Variants in CALN1 observed in about 807,000 individuals in gnomAD.
CALN1 encodes calneuron 1.
Under a neutral mutation model 30.6 loss-of-function variants are expected in CALN1, and 17 were observed. That is an observed-to-expected ratio of 0.56 (90% CI 0.38 to 0.83). The LOEUF is 0.83. Ranked by LOEUF, CALN1 falls within the 40% of genes least tolerant of loss-of-function variation. The pLI is 0.00. For synonymous variants in CALN1, 156 were observed against 131.4 expected, an observed-to-expected ratio of 1.19 and a Z score of -1.28; for missense variants, 291 against 354.9, an observed-to-expected ratio of 0.82 and a Z score of 1.45.
At chr7:72,340,180 C>T (rs959198225) in intron 2 of CALN1, among the ~76,000 whole-genome samples, 2 of 152,148 alleles carry the variant, frequency 1.3e-5, no homozygotes, top group Non-Finnish European at 2.9e-5. Context: ...CTGCAAACCC[C>T]GTATTTTTAG....
chr7:72,467,475 C>T, the CALN1 span, among the ~76,000 whole-genome samples: 7 of 152,076 alleles, frequency 4.6e-5, no homozygotes, highest in Admixed American at 1.3e-4. Flanking sequence ...GAGGAGGAGC[C>T]GGAGAGAGCC....
intron 3 of CALN1, among the ~76,000 whole-genome samples, chr7:72,150,688 C>T (rs1459397830): frequency 6.6e-6 from 1 of 152,166 alleles, no homozygotes; most frequent in Non-Finnish European, 1.5e-5. Flanking sequence ...TTGGGCCTCT[C>T]CACCTACCAG....
the CALN1 span, among the ~76,000 whole-genome samples, chr7:72,499,394 T>A: frequency 6.6e-6 from 1 of 152,114 alleles, no homozygotes; most frequent in Non-Finnish European, 1.5e-5. Flanking sequence ...CACTACAAAT[T>A]ATTAATTAAT....
At chr7:72,008,293 CTAT>C (rs1317071672) in intron 5 of CALN1, among the ~76,000 whole-genome samples, 3 of 151,960 alleles carry the variant, frequency 2.0e-5, no homozygotes, top group Admixed American at 6.6e-5. Flanking sequence ...TCCCAAATAA[CTAT>C]TGAGTGAATG....
intron 3 of CALN1, among the ~76,000 whole-genome samples, chr7:72,264,499 T>A (rs1796484017): frequency 1.5e-5 from 1 of 68,396 alleles, no homozygotes; most frequent in Non-Finnish European, 4.8e-5. Context: ...AAGCAGGATT[T>A]TTTTTTTTTT....
Position 71,798,117 on chromosome 7 carries a change from CAGAGACAGAGAGAGAGAG to C in CALN1, c.659-10233_659-10216del, listed in dbSNP as rs1562787956. On this transcript the variant is annotated intron_variant, in intron 6 of 6. Coordinates refer to ENST00000395275, the MANE Select transcript of CALN1 (RefSeq NM_031468.4). Reference sequence around the variant, plus strand: ...AGAGAGAGACAGAGAGAGACAGAGACAGAGACAGAGAGAGAGAGAGAGAGAGAGAGAGAGAGAGAGAGA... The same window carrying C: ...AGAGAGAGACAGAGAGAGACAGAGACAGAGAGAGAGAGAGAGAGAGAGAGA... Among the ~76,000 whole-genome samples the C allele has an allele frequency of 7.4e-3, 460 of 62,212 alleles. 2 individuals carry two copies. The highest frequency in any genetic ancestry group is 0.026 in the African/African-American group (370 of 14,152). The allele number at this position is 62,212 out of a possible 152,430, so 40.8% of individuals were successfully genotyped here.
intron 4 of CALN1, 121 bp from the exon 5 acceptor site, chr7:72,023,890 G>A (rs961022840): frequency 3.3e-6 from 2 of 614,052 alleles, no homozygotes; most frequent in Non-Finnish European, 2.9e-6. Flanking sequence ...AAGAAGAGCT[G>A]GTAACATTAC....
At chr7:72,071,919 G>A (rs182169385) in intron 4 of CALN1, among the ~76,000 whole-genome samples, 16 of 152,080 alleles carry the variant, frequency 1.1e-4, no homozygotes, top group Admixed American at 1.0e-3. Context: ...GATTTGAGCA[G>A]GCAGAAGGAA....
chr7:72,008,286 C>T (rs1799884149), intron 5 of CALN1, among the ~76,000 whole-genome samples: 1 of 151,962 alleles, frequency 6.6e-6, no homozygotes, highest in Admixed American at 6.6e-5. Context: ...AACATTCTCC[C>T]AAATAACTAT....
chr7:72,330,037 T>A (rs1325045444), intron 2 of CALN1, among the ~76,000 whole-genome samples: 1 of 151,710 alleles, frequency 6.6e-6, no homozygotes, highest in Non-Finnish European at 1.5e-5. Flanking sequence ...ATACCTGTAA[T>A]CCCAGCACTT....
intron 5 of CALN1, among the ~76,000 whole-genome samples, chr7:71,982,529 G>A (rs910808673): frequency 6.6e-6 from 1 of 152,200 alleles, no homozygotes; most frequent in Non-Finnish European, 1.5e-5. Flanking sequence ...GGGAGGCAGA[G>A]GTTGCAGTGA....
intron 2 of CALN1, among the ~76,000 whole-genome samples, chr7:72,320,107 C>T (rs1003897672): frequency 6.6e-6 from 1 of 151,996 alleles, no homozygotes; most frequent in Non-Finnish European, 1.5e-5. Flanking sequence ...GACGACAGAT[C>T]GAGATGACAC....
intron 2 of CALN1, among the ~76,000 whole-genome samples, chr7:72,384,118 G>C (rs1388101525): frequency 6.6e-6 from 1 of 152,186 alleles, no homozygotes; most frequent in Non-Finnish European, 1.5e-5. Flanking sequence ...TTGGAGGAAG[G>C]AGGCGGCAAA....
intron 4 of CALN1, among the ~76,000 whole-genome samples, chr7:72,040,326 A>T (rs980842900): frequency 5.4e-4 from 80 of 148,518 alleles, no homozygotes; most frequent in African/African-American, 1.6e-3. Flanking sequence ...ATTACAATAA[A>T]AAAAAAAAAA....
intron 4 of CALN1, among the ~76,000 whole-genome samples, chr7:72,031,733 A>C (rs1028595868): frequency 2.4e-5 from 3 of 124,280 alleles, no homozygotes; most frequent in African/African-American, 3.8e-5. Flanking sequence ...ACGCCTGGCT[A>C]ATTTTTTTTT....
intron 4 of CALN1, among the ~76,000 whole-genome samples, chr7:72,031,714 T>G (rs1250760150): frequency 6.6e-6 from 1 of 151,192 alleles, no homozygotes; most frequent in Non-Finnish European, 1.5e-5. Context: ...ACCACAGTTA[T>G]GTGCCACCAC....
chr7:72,058,475 A>G (rs1434975296), intron 4 of CALN1, among the ~76,000 whole-genome samples: 5 of 151,478 alleles, frequency 3.3e-5, no homozygotes, highest in Non-Finnish European at 7.4e-5. Flanking sequence ...CCACCACCAC[A>G]CTCAGCTATT....
chr7:71,878,577 C>T (rs766133125), intron 5 of CALN1, among the ~76,000 whole-genome samples: 1 of 151,964 alleles, frequency 6.6e-6, no homozygotes, highest in Non-Finnish European at 1.5e-5. Flanking sequence ...CCCTAAAAGC[C>T]GGAGGAGAAG....
intron 3 of CALN1, among the ~76,000 whole-genome samples, chr7:72,242,723 G>T (rs922945812): frequency 6.6e-6 from 1 of 151,926 alleles, no homozygotes. Context: ...CCCCATTTCT[G>T]CTAAAAATAA....
Sources: gnomAD v4.1 joint callset for allele counts (sites outside exome capture counted in the v4.1 genomes callset) on GRCh38, gnomAD v4.1.1 for gene constraint, MANE v1.5 for transcripts, NCBI Gene and HGNC (gene_info 2026-07-23, HGNC 2026-07-21) for gene names.